The following EFCAB8 variants were observed in gnomAD, a reference collection of about 807,000 sequenced individuals.
EFCAB8 encodes EF-hand calcium binding domain 8.
Under a neutral mutation model 116.3 loss-of-function variants are expected in EFCAB8, and 100 were observed. That is an observed-to-expected ratio of 0.86 (90% CI 0.73 to 1.02). The LOEUF (loss-of-function observed/expected upper bound fraction) is 1.02. Ranked by LOEUF, EFCAB8 falls within the 50% of genes least tolerant of loss-of-function variation. The probability of loss-of-function intolerance (pLI) is 0.00; values close to 1 mark genes in which losing one functional copy is unlikely to be tolerated. For missense variants in EFCAB8, 1,320 were observed against 1,416.9 expected, an observed-to-expected ratio of 0.93 and a Z score of 1.10; for synonymous variants, 558 against 567.9, an observed-to-expected ratio of 0.98 and a Z score of 0.25.
intron 9 of EFCAB8, among the ~76,000 whole-genome samples, chr20:32,895,948 G>A (rs772503428): frequency 6.6e-6 from 1 of 152,162 alleles, no homozygotes; most frequent in Non-Finnish European, 1.5e-5. Flanking sequence ...ACAGGTGTGA[G>A]CCACTGCGCC....
chr20:32,885,463 T>G, intron 5 of EFCAB8, 42 bp from the exon 6 acceptor site: 1 of 1,549,218 alleles, frequency 6.5e-7, no homozygotes, highest in East Asian at 2.4e-5. Flanking sequence ...CTCCCTGAGC[T>G]GTTTTTGCTT....
chr20:32,927,457 GC>G (rs1426323235), intron 20 of EFCAB8, among the ~76,000 whole-genome samples: 3 of 152,116 alleles, frequency 2.0e-5, no homozygotes, highest in African/African-American at 7.2e-5. Flanking sequence ...CAATTCTTCT[GC>G]CTCAGCCTCC....
intron 20 of EFCAB8, 121 bp from the exon 21 acceptor site, chr20:32,930,277 C>A: frequency 1.2e-6 from 1 of 802,964 alleles, no homozygotes; most frequent in Admixed American, 2.7e-5. Context: ...ACCATCACCA[C>A]TTTCACTGGG....
intron 23 of EFCAB8, among the ~76,000 whole-genome samples, chr20:32,952,539 A>C (rs1198014400): frequency 1.3e-5 from 2 of 152,126 alleles, no homozygotes; most frequent in Non-Finnish European, 2.9e-5. Flanking sequence ...GTCAAAAATC[A>C]ATTTGTTATT....
chr20:32,941,796 C>T (rs974416214), intron 22 of EFCAB8, among the ~76,000 whole-genome samples: 1 of 152,074 alleles, frequency 6.6e-6, no homozygotes, highest in Non-Finnish European at 1.5e-5. Context: ...GGTGGTTGCA[C>T]AGCTCTGAAA....
chr20:32,908,279 T>C lies in EFCAB8; in HGVS notation c.1313T>C (p.Ile438Thr). The C allele has an allele frequency of 8.0e-7, 1 of 1,249,830 alleles. No homozygotes were observed. The highest frequency in any genetic ancestry group is 4.1e-5 in the South Asian group (1 of 24,410). The allele number at this position is 1,249,830 out of a possible 1,614,324, so 77.4% of individuals were successfully genotyped here. The stretch of plus-strand genomic sequence containing the variant: ...TGCCTTTTTCCCATCCCCCAGAATA[T>C]TCGCGTGTGGGACATGCTGGACTAC... ...ILISVSKDKNIRVWDMLDYIC... is the reference protein window; with the variant it reads ...ILISVSKDKNTRVWDMLDYIC... Residue 438 changes from isoleucine (I) to threonine (T), a missense_variant, in exon 14 of 27, where the codon ATT (isoleucine) becomes ACT (threonine). By Grantham distance (89) the Ile-to-Thr change is moderately conservative. Transcript: ENST00000400522.
chr20:32,879,804 T>C (rs1369786422), intron 5 of EFCAB8, among the ~76,000 whole-genome samples: 8 of 152,224 alleles, frequency 5.3e-5, no homozygotes, highest in African/African-American at 1.9e-4. Context: ...CAGTCCTTCC[T>C]GAACATACTG....
rs2377734 is a variant in EFCAB8 at position 32,893,155 on chromosome 20, C to T, written c.759-19C>T. The T allele has an allele frequency of 0.65, 1,010,992 of 1,550,698 alleles. 337,003 individuals are homozygous for T. Among genetic ancestry groups the T allele is most frequent in the Middle Eastern group, 0.76 (4,556 of 5,992 alleles). ...CGCGCCCAGCCCACACAACCTCTTC[C>T]GTCTCCATCTTTCTGCAGGTCTGAC... is the stretch of plus-strand genomic sequence containing the variant. On this transcript the variant is annotated intron_variant, in intron 8 of 26. Coordinates refer to ENST00000400522, the MANE Select transcript of EFCAB8 (RefSeq NM_001143967.2).
intron 3 of EFCAB8, among the ~76,000 whole-genome samples, chr20:32,873,819 A>C (rs1984810102): frequency 6.6e-6 from 1 of 151,730 alleles, no homozygotes; most frequent in Non-Finnish European, 1.5e-5. Flanking sequence ...CCAAAAAAAA[A>C]AAAAATGCAG....
At chr20:32,876,824 CGGGT>C (rs1985000052) in intron 4 of EFCAB8, among the ~76,000 whole-genome samples, 1 of 151,990 alleles carries the variant, frequency 6.6e-6, no homozygotes, top group African/African-American at 2.4e-5. Flanking sequence ...AAAAATTAAA[CGGGT>C]GTGGTGGTGC....
At chr20:32,903,242 C>T (rs1986515419) in intron 11 of EFCAB8, among the ~76,000 whole-genome samples, 1 of 152,250 alleles carries the variant, frequency 6.6e-6, no homozygotes, top group Non-Finnish European at 1.5e-5. Flanking sequence ...GCTGAAGCCT[C>T]ACCCCTCCCC....
intron 22 of EFCAB8, among the ~76,000 whole-genome samples, chr20:32,939,131 C>CTT (rs1491343801): frequency 5.2e-5 from 1 of 19,240 alleles, no homozygotes; most frequent in African/African-American, 3.7e-4. Context: ...CTTTCTCTTT[C>CTT]TTTCTTTCTT....
chr20:32,955,372 T>C (rs1568950674), intron 23 of EFCAB8, among the ~76,000 whole-genome samples: 1 of 152,024 alleles, frequency 6.6e-6, no homozygotes, highest in Non-Finnish European at 1.5e-5. Context: ...AGACCCTGTC[T>C]CTACAAAAAA....
intron 20 of EFCAB8, among the ~76,000 whole-genome samples, chr20:32,928,113 T>C (rs1484803350): frequency 6.6e-6 from 1 of 152,248 alleles, no homozygotes; most frequent in Non-Finnish European, 1.5e-5. Context: ...TCACTTAGCA[T>C]AATGTCCTCT....
chr20:32,892,303 T>G lies in EFCAB8; in HGVS notation c.758+6T>G. The G allele has an allele frequency of 6.4e-7, 1 of 1,551,090 alleles. No homozygotes were observed. Among genetic ancestry groups the G allele is most frequent in the Non-Finnish European group, 8.7e-7 (1 of 1,146,778 alleles). Reference sequence around the variant, plus strand: ...GCTCTGGTCATGGACTACTGGTGAGTCTCCACTGGGTGTTCCTCACATGAA... The same window carrying G: ...GCTCTGGTCATGGACTACTGGTGAGGCTCCACTGGGTGTTCCTCACATGAA... On this transcript the variant is annotated splice_donor_region_variant and intron_variant, in intron 8 of 26. Coordinates refer to ENST00000400522, the MANE Select transcript of EFCAB8 (RefSeq NM_001143967.2).
At chr20:32,941,731 A>G (rs184902637) in intron 22 of EFCAB8, among the ~76,000 whole-genome samples, 1 of 152,286 alleles carries the variant, frequency 6.6e-6, no homozygotes, top group African/African-American at 2.4e-5. Context: ...CGTAGTGACT[A>G]CTGGGTAAAG....
At chr20:32,923,487 AAAC>A (rs1400490652) in intron 20 of EFCAB8, among the ~76,000 whole-genome samples, 3 of 152,130 alleles carry the variant, frequency 2.0e-5, no homozygotes, top group East Asian at 1.9e-4. Flanking sequence ...TTCGCCTCCA[AAAC>A]AACACCACCA....
chr20:32,910,288 G>A (rs1986861187), intron 15 of EFCAB8, among the ~76,000 whole-genome samples: 1 of 152,170 alleles, frequency 6.6e-6, no homozygotes, highest in African/African-American at 2.4e-5. Flanking sequence ...AGTGGGTGCT[G>A]TTCTTGGGCA....
rs1987377372 is a variant in EFCAB8, at chr20:32,920,114, A to G, written c.2311A>G (p.Ser771Gly). Residue 771 changes from serine (S) to glycine (G), a missense_variant, in exon 20 of 27, where the codon AGC (serine) becomes GGC (glycine). Coordinates refer to ENST00000400522, the MANE Select transcript of EFCAB8 (RefSeq NM_001143967.2). The part of the protein sequence containing the change: ...SSASGTSRQS[S>G]KIHSKQSIYK... ...TGCTTCTGGCACATCCAGGCAGTCAAGCAAGATCCACAGCAAACAGTCCAT... is the reference window on the plus strand; with the variant it reads ...TGCTTCTGGCACATCCAGGCAGTCAGGCAAGATCCACAGCAAACAGTCCAT... The G allele has an allele frequency of 1.3e-6, 2 of 1,551,646 alleles. No homozygotes were observed. Among genetic ancestry groups the G allele is most frequent in the African/African-American group, 2.7e-5 (2 of 73,050 alleles).
Sources: allele counts gnomAD v4.1 joint callset (sites outside exome capture counted in the v4.1 genomes callset), GRCh38; gene constraint gnomAD v4.1.1; transcripts MANE v1.5; gene names NCBI Gene and HGNC (gene_info 2026-07-23, HGNC 2026-07-21).